MRPS25: variants seen among roughly 807,000 people sequenced by gnomAD.
MRPS25 encodes the protein mitochondrial ribosomal protein S25.
MRPS25 carries 15 observed loss-of-function variants against 17.3 expected under a neutral mutation model. The ratio of observed to expected loss-of-function variants is 0.87; its 90% CI spans 0.58 to 1.34. The LOEUF is 1.34. MRPS25 is among the 40% of genes most tolerant of loss of function. The pLI is 0.00. For missense variants in MRPS25, 225 were observed against 218.6 expected, an observed-to-expected ratio of 1.03 and a Z score of -0.19; for synonymous variants, 94 against 83.3, an observed-to-expected ratio of 1.13 and a Z score of -0.70.
chr3:15,059,805 A>T (rs1438755339), intron 1 of MRPS25, among the ~76,000 whole-genome samples: 1 of 152,214 alleles, frequency 6.6e-6, no homozygotes, highest in Non-Finnish European at 1.5e-5. Context: ...CATGAGTGGC[A>T]GTTCATGGAG....
In MRPS25 at chr3:15,059,431, G is replaced by A; in HGVS notation, c.179C>T (p.Pro60Leu). 1 of 1,613,802 alleles carries A rather than the reference G, an allele frequency of 6.2e-7. No individual in the cohort carries two copies. The highest frequency in any genetic ancestry group is 1.1e-5 in the South Asian group (1 of 91,040). ...FNIPQIQYKN[P>L]WVQIMMFKNM... ...CTTAAACATCATGATCTGCACCCAA[G>A]GGTTTTTGTATTGAATCTGAGGTAT... Residue 60 changes from proline to leucine, a missense_variant, in exon 2 of 4, where the codon CCT becomes CTT. Physicochemically the swap from Pro to Leu is moderately conservative, Grantham distance 98 (BLOSUM62 -3). Coordinates refer to ENST00000253686, the MANE Select transcript of MRPS25 (RefSeq NM_022497.5).
intron 2 of MRPS25, among the ~76,000 whole-genome samples, chr3:15,058,244 C>T (rs1370990505): frequency 6.6e-6 from 1 of 152,028 alleles, no homozygotes; most frequent in Non-Finnish European, 1.5e-5. Flanking sequence ...GGCTGGAGTG[C>T]AGTGGCGCGA....
chr3:15,049,508 A>G lies in MRPS25; in HGVS notation c.*2933T>C, dbSNP rs2042569090. On this transcript the variant is annotated 3_prime_UTR_variant, in exon 4 of 4. Transcript: ENST00000253686. The stretch of plus-strand genomic sequence containing the variant: ...GGACAGTCTTTACATCCACCCAGCA[A>G]GGCAGCTCCTTGGTGTGGAGGTAGG... The G allele has an allele frequency of 4.0e-6, 1 of 252,784 alleles. No individual in the cohort carries two copies. Among genetic ancestry groups the G allele is most frequent in the Admixed American group, 5.9e-5 (1 of 17,048 alleles). The allele number at this position is 252,784 out of a possible 1,614,324, so 15.7% of individuals were successfully genotyped here. A position where few individuals can be genotyped will look rare whatever the true frequency, so the allele number is the denominator to read the frequency against.
In MRPS25 at chr3:15,049,804, G is replaced by C; in HGVS notation, c.*2637C>G. ...GGGCCTCACTCCGTCACCCAGGCTG[G>C]AATGCAGTGGTACAGTCATGGCTCA... On this transcript the variant is annotated 3_prime_UTR_variant, in exon 4 of 4. Transcript: ENST00000253686. 1 of 860,580 alleles carries C rather than the reference G, an allele frequency of 1.2e-6. No individual in the cohort carries two copies. Among genetic ancestry groups the C allele is most frequent in the Non-Finnish European group, 1.8e-6 (1 of 546,056 alleles). 53.3% of individuals were successfully genotyped at this position (860,580 alleles called of 1,614,324 possible).
intron 1 of MRPS25, among the ~76,000 whole-genome samples, chr3:15,061,824 C>T (rs1258035708): frequency 1.3e-5 from 2 of 151,244 alleles, no homozygotes; most frequent in Non-Finnish European, 1.5e-5. Context: ...TCTGCCCGGC[C>T]GCGACCCCGT....
intron 2 of MRPS25, among the ~76,000 whole-genome samples, chr3:15,054,401 C>T (rs1035299852): frequency 1.3e-5 from 2 of 151,974 alleles, no homozygotes; most frequent in Admixed American, 6.6e-5. Flanking sequence ...TAGACTTTTA[C>T]CCACAACATT....
chr3:15,047,465 C>G (rs971881852), downstream of MRPS25: 14 of 152,244 alleles, frequency 9.2e-5, no homozygotes, highest in African/African-American at 3.4e-4. Context: ...ATTCATGGCC[C>G]TACCTGGAAG....
chr3:15,043,296 G>T, downstream of MRPS25: 1 of 226,708 alleles, frequency 4.4e-6, no homozygotes, highest in Non-Finnish European at 8.5e-6. Context: ...CAAAAAAAAA[G>T]GTTTTATAAT....
Position 15,059,493 on chromosome 3 carries a change from T to C in MRPS25, c.135-18A>G. On this transcript the variant is annotated intron_variant, in intron 1 of 3. Coordinates refer to ENST00000253686, the MANE Select transcript of MRPS25 (RefSeq NM_022497.5). ...CAAACTTCCTGCAAAAGGGAAGAAA[T>C]GAAGCCTATGAAACAGAGTTTTTAG... The C allele has an allele frequency of 6.5e-7, 1 of 1,537,656 alleles. No homozygotes were observed.
At chr3:15,064,984 C>T in intron 1 of MRPS25, 77 bp downstream of exon 1, 1 of 1,524,692 alleles carries the variant, frequency 6.6e-7, no homozygotes, top group Admixed American at 2.0e-5. Context: ...CCCAGAGCGA[C>T]TCGGGACCTC....
At chr3:15,054,746 G>GAGTC (rs1452224526) in intron 2 of MRPS25, among the ~76,000 whole-genome samples, 6 of 152,016 alleles carry the variant, frequency 3.9e-5, no homozygotes, top group Non-Finnish European at 8.8e-5. Context: ...TACAGTTCAG[G>GAGTC]AGTCACCATA....
In MRPS25 at chr3:15,065,163, CG is replaced by C; in HGVS notation, c.31del (p.Arg11AlafsTer6). ...CCCCTGGCTCAGATATTGCAGGGTG[CG>C]GCGGATGGGGAAGCGGCCCTTCATG... Reference protein sequence around the residue: MPMKGRFPIRRTLQYLSQGNV... With the variant: MPMKGRFPIRXTLQYLSQGNV... On this transcript the variant is annotated frameshift_variant, in exon 1 of 4. Transcript: ENST00000253686. LOFTEE classifies it high-confidence loss of function. The C allele has an allele frequency of 6.2e-7, 1 of 1,606,392 alleles. No individual in the cohort carries two copies. Among genetic ancestry groups the C allele is most frequent in the Non-Finnish European group, 8.5e-7 (1 of 1,176,612 alleles).
At position 15,049,080 on chromosome 3, in the gene MRPS25, C is replaced by G. The variant is rs1004957659; in HGVS notation, c.*3361G>C. 6.6e-6 allele frequency: 1 copy of G among 152,562 alleles called. No homozygotes were observed. Among genetic ancestry groups the G allele is most frequent in the Non-Finnish European group, 1.5e-5 (1 of 68,008 alleles). The allele number at this position is 152,562 out of a possible 1,614,324, so 9.5% of individuals were successfully genotyped here. ...TAAAAAATAGCATGTTCTTTTTAAACTGAATTTTATATCTAATCAATGTCT... is the reference window on the plus strand; with the variant it reads ...TAAAAAATAGCATGTTCTTTTTAAAGTGAATTTTATATCTAATCAATGTCT... On this transcript the variant is annotated 3_prime_UTR_variant, in exon 4 of 4. Transcript: ENST00000253686.
In MRPS25 at chr3:15,049,765, C is replaced by A; in HGVS notation, c.*2676G>T. 1.5e-6 allele frequency: 1 copy of A among 670,132 alleles called. No homozygotes were observed. Among genetic ancestry groups the A allele is most frequent in the South Asian group, 1.8e-5 (1 of 56,888 alleles). 41.5% of individuals were successfully genotyped at this position (670,132 alleles called of 1,614,324 possible). ...AAAGTCTGATGCATGACAGAACTCA[C>A]TGGCAGGCAGATAGGGCCTCACTCC... On this transcript the variant is annotated 3_prime_UTR_variant, in exon 4 of 4. Coordinates refer to ENST00000253686, the MANE Select transcript of MRPS25 (RefSeq NM_022497.5).
At chr3:15,062,526 T>C (rs1431441105) in intron 1 of MRPS25, among the ~76,000 whole-genome samples, 1 of 150,368 alleles carries the variant, frequency 6.7e-6, no homozygotes, top group African/African-American at 2.4e-5. Context: ...TACTGGGAAG[T>C]GAGGAGCCCC....
In MRPS25 at chr3:15,051,061, C is replaced by T. The variant is rs1196453766; in HGVS notation, c.*1380G>A. 2 of 984,330 alleles carry T rather than the reference C, an allele frequency of 2.0e-6. No homozygotes were observed. Among genetic ancestry groups the T allele is most frequent in the African/African-American group, 1.7e-5 (1 of 57,332 alleles). The allele number at this position is 984,330 out of a possible 1,614,324, so 61.0% of individuals were successfully genotyped here. A position where few individuals can be genotyped will look rare whatever the true frequency, so the allele number is the denominator to read the frequency against. ...AAAACTTCAGTCCTGCTCTGTCAAGCACCACTGTCCTTTTTTAATTCTTTT... is the reference window on the plus strand; with the variant it reads ...AAAACTTCAGTCCTGCTCTGTCAAGTACCACTGTCCTTTTTTAATTCTTTT... On this transcript the variant is annotated 3_prime_UTR_variant, in exon 4 of 4. Coordinates refer to ENST00000253686, the MANE Select transcript of MRPS25 (RefSeq NM_022497.5).
Position 15,053,737 on chromosome 3 carries a change from C to T in MRPS25, c.242-270G>A, listed in dbSNP as rs111971947. Reference sequence around the variant, plus strand: ...ATAGAAAGACCCAATATTCTTAAGACGGCAATTCTCCCCAGACTGATCTAC... The same window carrying T: ...ATAGAAAGACCCAATATTCTTAAGATGGCAATTCTCCCCAGACTGATCTAC... On this transcript the variant is annotated intron_variant, in intron 2 of 3. Transcript: ENST00000253686. 2.0e-3 allele frequency: 965 copies of T among 473,670 alleles called. 5 individuals carry two copies. Among genetic ancestry groups the T allele is most frequent in the African/African-American group, 0.017 (855 of 50,816 alleles). The allele number at this position is 473,670 out of a possible 1,614,324, so 29.3% of individuals were successfully genotyped here.
chr3:15,051,302 G>T lies in MRPS25; in HGVS notation c.*1139C>A. 1.5e-6 allele frequency: 1 copy of T among 646,722 alleles called. No individual in the cohort carries two copies. The highest frequency in any genetic ancestry group is 1.9e-6 in the Non-Finnish European group (1 of 520,502). The allele number at this position is 646,722 out of a possible 1,614,324, so 40.1% of individuals were successfully genotyped here. A position where few individuals can be genotyped will look rare whatever the true frequency, so the allele number is the denominator to read the frequency against. On this transcript the variant is annotated 3_prime_UTR_variant, in exon 4 of 4. Transcript: ENST00000253686. ...GCAGGCTCGAGATCCTCCCACCTCA[G>T]CTTCCCAAATAGCTGGGACTACAGA... is the stretch of plus-strand genomic sequence containing the variant.
At chr3:15,061,878 A>G (rs1169807379) in intron 1 of MRPS25, among the ~76,000 whole-genome samples, 1 of 148,644 alleles carries the variant, frequency 6.7e-6, no homozygotes, top group East Asian at 2.0e-4. Context: ...CCGTCTGAGA[A>G]GGGAGGAGAC....
Sources: allele counts gnomAD v4.1 joint callset (sites outside exome capture counted in the v4.1 genomes callset), GRCh38; gene constraint gnomAD v4.1.1; transcripts MANE v1.5; gene names NCBI Gene and HGNC (gene_info 2026-07-23, HGNC 2026-07-21).